ANKRD52: variants seen among roughly 807,000 people sequenced by gnomAD.
ANKRD52 encodes the protein serine/threonine-protein phosphatase 6 regulatory ankyrin repeat subunit C.
In ANKRD52, 7 loss-of-function variants were observed where a neutral mutation model predicts 116.0. The ratio of observed to expected loss-of-function variants is 0.06; its 90% CI spans 0.03 to 0.11. The LOEUF is 0.11. Among genes scored for constraint, ANKRD52 ranks in the 10% least tolerant of loss-of-function variants. The probability of loss-of-function intolerance (pLI) is 1.00; values close to 1 mark genes in which losing one functional copy is unlikely to be tolerated. For missense variants in ANKRD52, 839 were observed against 1,408.6 expected (o/e 0.60, Z 6.47); for synonymous variants, 528 against 578.1 (o/e 0.91, Z 1.24).
Position 56,247,519 on chromosome 12 carries a change from G to A in ANKRD52, c.2158C>T (p.Arg720Trp), listed in dbSNP as rs756276225. The A allele has an allele frequency of 1.9e-5, 31 of 1,589,930 alleles. No homozygotes were observed. The highest frequency in any genetic ancestry group is 5.3e-5 in the Admixed American group (3 of 56,750). The change falls in exon 20 of 28, where the codon CGG (arginine) becomes TGG (tryptophan). Residue 720 changes from arginine (R) to tryptophan (W), a missense_variant. This residue lies in a region of ANKRD52 where 552 missense variants were observed against 810.6 expected (regional missense o/e 0.68). Transcript: ENST00000267116. ...CCGCGGTGGAGGGCAGTGCGGCCCC[G>A]GAGGTCAGCAGCATCAGCTGTGGAT... ...KGSTADAADLRGRTALHRGAV... is the reference protein window; with the variant it reads ...KGSTADAADLWGRTALHRGAV...
intron 15 of ANKRD52, among the ~76,000 whole-genome samples, chr12:56,249,297 TC>T (rs969786181): frequency 1.6e-4 from 24 of 152,294 alleles, no homozygotes; most frequent in African/African-American, 5.5e-4. Context: ...TTCCCAGCCT[TC>T]CCTGGGGAAG....
In ANKRD52 at chr12:56,255,674, C is replaced by T; in HGVS notation, c.462+110G>A. ...GCTTCAGCTTAAGTGTTTATATAAC[C>T]ATCCGGGCTGCTTCTCCTTCAGGCT... is the stretch of plus-strand genomic sequence containing the variant. On this transcript the variant is annotated intron_variant, in intron 5 of 27. Transcript: ENST00000267116. This position sits in a 1 kb window ranked among gnomAD's most constrained non-coding sequence, Gnocchi z 4.3. 2.0e-6 allele frequency: 2 copies of T among 1,002,316 alleles called. No homozygotes were observed. The highest frequency in any genetic ancestry group is 3.2e-5 in the South Asian group (2 of 62,138). 62.1% of individuals were successfully genotyped at this position (1,002,316 alleles called of 1,614,324 possible).
chr12:56,245,708 CTTTTTTTTTTTT>C (rs918818332), intron 20 of ANKRD52, 112 bp from the exon 21 acceptor site: 20 of 397,876 alleles, frequency 5.0e-5, no homozygotes, highest in East Asian at 4.8e-4. Context: ...CAATCCTTGT[CTTTTTTTTTTTT>C]TTTTTTTTTT....
At chr12:56,257,487 A>T in intron 2 of ANKRD52, 126 bp from the exon 3 acceptor site, 1 of 903,554 alleles carries the variant, frequency 1.1e-6, no homozygotes, top group Non-Finnish European at 1.7e-6. Context: ...GCAGCGTCCT[A>T]AGTCCCGGTA....
Position 56,253,240 on chromosome 12 carries a change from C to T in ANKRD52, c.1100+48G>A. 2 of 1,555,876 alleles carry T rather than the reference C, an allele frequency of 1.3e-6. No individual in the cohort carries two copies. Among genetic ancestry groups the T allele is most frequent in the Admixed American group, 1.7e-5 (1 of 58,392 alleles). On this transcript the variant is annotated intron_variant, in intron 10 of 27. Transcript: ENST00000267116. This position sits in a 1 kb window ranked among gnomAD's most constrained non-coding sequence, Gnocchi z 5.5. ...TGCCTCCATGGTTGATGTGAGCAGT[C>T]TGTGCAGATCTGGGCAGCCCAGAAG...
intron 15 of ANKRD52, among the ~76,000 whole-genome samples, chr12:56,249,994 G>A (rs1592391622): frequency 6.6e-6 from 1 of 152,088 alleles, no homozygotes; most frequent in Non-Finnish European, 1.5e-5. Flanking sequence ...CCAAGTTCAT[G>A]CCACTGCACT....
In ANKRD52 at chr12:56,253,870, C is replaced by G; in HGVS notation, c.907-70G>C. ...GCAAAGCACAGAGAATGCCCTACCTCCCTTCCAAGGACATATCTCTAAGGA... is the reference window on the plus strand; with the variant it reads ...GCAAAGCACAGAGAATGCCCTACCTGCCTTCCAAGGACATATCTCTAAGGA... On this transcript the variant is annotated intron_variant, in intron 8 of 27. Transcript: ENST00000267116. The surrounding 1 kb of genome is among the most constrained non-coding windows in gnomAD (Gnocchi z 5.5). 6.6e-7 allele frequency: 1 copy of G among 1,517,394 alleles called. No individual in the cohort carries two copies. The highest frequency in any genetic ancestry group is 9.1e-7 in the Non-Finnish European group (1 of 1,096,004). 94.0% of individuals were successfully genotyped at this position (1,517,394 alleles called of 1,614,324 possible). A position where few individuals can be genotyped will look rare whatever the true frequency, so the allele number is the denominator to read the frequency against.
Position 56,253,713 on chromosome 12 carries a change from G to C in ANKRD52, c.985+9C>G, listed in dbSNP as rs765509424. 6.2e-7 allele frequency: 1 copy of C among 1,613,398 alleles called. No homozygotes were observed. Among genetic ancestry groups the C allele is most frequent in the Non-Finnish European group, 8.5e-7 (1 of 1,179,470 alleles). ...GGGGATGAGAGCACAAAGTCTCCCA[G>C]GTCCATACCATTCTGGATGAGGATC... On this transcript the variant is annotated intron_variant, in intron 9 of 27. Transcript: ENST00000267116. This position sits in a 1 kb window ranked among gnomAD's most constrained non-coding sequence, Gnocchi z 5.5.
In ANKRD52 at chr12:56,258,295, C is replaced by G. The variant is rs1464588389; in HGVS notation, c.-26G>C. On this transcript the variant is annotated 5_prime_UTR_variant, in exon 1 of 28. Coordinates refer to ENST00000267116, the MANE Select transcript of ANKRD52 (RefSeq NM_173595.4). ...GGCTCGGCCCGGGCTCCGTCCGCAT[C>G]GAGCTCCCGGCGGCGGCGGCGGCGG... 1 of 1,549,864 alleles carries G rather than the reference C, an allele frequency of 6.5e-7. No homozygotes were observed. Among genetic ancestry groups the G allele is most frequent in the Non-Finnish European group, 8.7e-7 (1 of 1,151,756 alleles).
In ANKRD52 at chr12:56,247,757, C is replaced by T; in HGVS notation, c.1996G>A (p.Asp666Asn). 1 of 1,612,198 alleles carries T rather than the reference C, an allele frequency of 6.2e-7. No homozygotes were observed. The highest frequency in any genetic ancestry group is 2.2e-5 in the East Asian group (1 of 44,880). ...CTGTCGATCAGCAAGTGCAGGGAGT[C>T]AGTGTGGCCAGAGGCAGCTAGGGGA... is the stretch of plus-strand genomic sequence containing the variant. ...LHAAAASGHT[D>N]SLHLLIDSGE... The change falls in exon 19 of 28, where the codon GAC becomes AAC. Residue 666 changes from aspartate to asparagine, a missense_variant. Asp to Asn is a conservative substitution (Grantham distance 23, BLOSUM62 1). Transcript: ENST00000267116.
chr12:56,251,373 T>A (rs1439930114), intron 15 of ANKRD52, among the ~76,000 whole-genome samples: 1 of 151,702 alleles, frequency 6.6e-6, no homozygotes, highest in Non-Finnish European at 1.5e-5. Context: ...GCCTCCTGAG[T>A]AGCTGGGATT....
intron 18 of ANKRD52, 44 bp downstream of exon 18, chr12:56,247,979 C>G (rs779574656): frequency 3.2e-5 from 50 of 1,539,436 alleles, no homozygotes; most frequent in Non-Finnish European, 4.2e-5. Flanking sequence ...CAGGAGGGAT[C>G]TGGCATGGCA....
intron 20 of ANKRD52, 41 bp from the exon 21 acceptor site, chr12:56,245,637 T>G: frequency 1.3e-6 from 2 of 1,572,340 alleles, no homozygotes; most frequent in Non-Finnish European, 1.7e-6. Context: ...GAAAAGCTCC[T>G]CCTTTTCCAC....
In ANKRD52 at chr12:56,252,407, T is replaced by G; in HGVS notation, c.1371-92A>C. The G allele has an allele frequency of 6.3e-7, 1 of 1,593,566 alleles. No individual in the cohort carries two copies. Among genetic ancestry groups the G allele is most frequent in the Non-Finnish European group, 8.6e-7 (1 of 1,162,156 alleles). The stretch of plus-strand genomic sequence containing the variant: ...AGCCAAATGCTGCTTTGTAACATTC[T>G]CCTTATTTAAGTCTCCAATCTAAAC... On this transcript the variant is annotated intron_variant, in intron 13 of 27. Coordinates refer to ENST00000267116, the MANE Select transcript of ANKRD52 (RefSeq NM_173595.4). The surrounding 1 kb of genome is among the most constrained non-coding windows in gnomAD (Gnocchi z 4.7).
Position 56,253,331 on chromosome 12 carries a change from G to A in ANKRD52, c.1057C>T (p.Leu353=). 6.2e-7 allele frequency: 1 copy of A among 1,614,016 alleles called. No individual in the cohort carries two copies. Among genetic ancestry groups the A allele is most frequent in the Non-Finnish European group, 8.5e-7 (1 of 1,179,900 alleles). ...LHVAARYGHE[L]LISTLMTNGA... The stretch of plus-strand genomic sequence containing the variant: ...TTGGTCATGAGGGTGCTGATGAGCA[G>A]CTCGTGTCCATATCGAGCAGCCACA... Residue 353 remains leucine, a synonymous_variant, in exon 10 of 28, where the codon CTG becomes TTG. Coordinates refer to ENST00000267116, the MANE Select transcript of ANKRD52 (RefSeq NM_173595.4). The surrounding 1 kb of genome is among the most constrained non-coding windows in gnomAD (Gnocchi z 5.5).
In ANKRD52 at chr12:56,252,704, G is replaced by C; in HGVS notation, c.1301+76C>G. 1.3e-6 allele frequency: 2 copies of C among 1,548,862 alleles called. No individual in the cohort carries two copies. The highest frequency in any genetic ancestry group is 1.8e-6 in the Non-Finnish European group (2 of 1,124,526). On this transcript the variant is annotated intron_variant, in intron 12 of 27. Transcript: ENST00000267116. The surrounding 1 kb of genome is among the most constrained non-coding windows in gnomAD (Gnocchi z 4.7). ...TCATTGTGAGAGGGGGAATAGATCT[G>C]GGCAGGCAAGAATGAGGGGCCCAGA... is the stretch of plus-strand genomic sequence containing the variant.
rs1871474195 is a variant in ANKRD52 at position 56,247,604 on chromosome 12, T to C, written c.2073A>G (p.Pro691=). 6.3e-7 allele frequency: 1 copy of C among 1,591,688 alleles called. No individual in the cohort carries two copies. The highest frequency in any genetic ancestry group is 8.6e-7 in the Non-Finnish European group (1 of 1,168,168). Residue 691 remains proline (P), a synonymous_variant, in exon 20 of 28, where the codon CCA becomes CCG. Coordinates refer to ENST00000267116, the MANE Select transcript of ANKRD52 (RefSeq NM_173595.4). ...GGCCATTCATGATGGCCAGCATCAG[T>C]GGGGTCCTACAGAAGGGCAGGAGGA... ...TDVMDAYGQT[P]LMLAIMNGHV... is the part of the protein sequence containing the mutation.
chr12:56,243,304 G>C lies in ANKRD52; in HGVS notation c.3069C>G (p.Pro1023=), dbSNP rs908548064. The change falls in exon 28 of 28, where the codon CCC becomes CCG. Residue 1023 remains proline, a synonymous_variant. Coordinates refer to ENST00000267116, the MANE Select transcript of ANKRD52 (RefSeq NM_173595.4). This position sits in a 1 kb window ranked among gnomAD's most constrained non-coding sequence, Gnocchi z 4.6. ...AGCTGAAAGGACTGACGGCGTCCTT[G>C]GGTGGGAAAGGCTTCATGGTGGAAA... ...LILSTMKPFP[P]KDAVSPFSFS... is the part of the protein sequence containing the mutation. 6 of 1,613,898 alleles carry C rather than the reference G, an allele frequency of 3.7e-6. No homozygotes were observed. The African/African-American group carries it at 8.0e-5, about 22-fold the overall frequency.
At position 56,253,648 on chromosome 12, in the gene ANKRD52, A is replaced by C; in HGVS notation, c.985+74T>G. 6.6e-7 allele frequency: 1 copy of C among 1,508,692 alleles called. No homozygotes were observed. The allele number at this position is 1,508,692 out of a possible 1,614,324, so 93.5% of individuals were successfully genotyped here. A position where few individuals can be genotyped will look rare whatever the true frequency, so the allele number is the denominator to read the frequency against. On this transcript the variant is annotated intron_variant, in intron 9 of 27. Coordinates refer to ENST00000267116, the MANE Select transcript of ANKRD52 (RefSeq NM_173595.4). The surrounding 1 kb of genome is among the most constrained non-coding windows in gnomAD (Gnocchi z 5.5). The stretch of plus-strand genomic sequence containing the variant: ...AAGAGGGCAGGAGAAGGAAGTTAGG[A>C]ACCTCCCTAGATTCTAGAAATGAGT...
Sources: gnomAD v4.1 joint callset for allele counts (sites outside exome capture counted in the v4.1 genomes callset) on GRCh38, gnomAD v4.1.1 for gene constraint, gnomAD v4.1.1 regional missense constraint, Gnocchi (gnomAD v3.1) non-coding constraint, MANE v1.5 for transcripts, NCBI Gene and HGNC (gene_info 2026-07-23, HGNC 2026-07-21) for gene names.